Variants in RPA1 observed in about 807,000 individuals in gnomAD.
RPA1 encodes the protein replication protein A 70 kDa DNA-binding subunit.
RPA1 carries 49 observed loss-of-function variants against 83.0 expected under a neutral mutation model. That is an observed-to-expected ratio of 0.59 (90% CI 0.47 to 0.75). RPA1 has a LOEUF of 0.75. Among genes scored for constraint, RPA1 ranks in the 30% least tolerant of loss-of-function variants. The probability of loss-of-function intolerance (pLI) is 0.00; values close to 1 mark genes in which losing one functional copy is unlikely to be tolerated. For synonymous variants in RPA1, 279 were observed against 281.8 expected (o/e 0.99, Z 0.10); for missense variants, 693 against 776.1 (o/e 0.89, Z 1.27).
intron 5 of RPA1, chr17:1,858,589 G>A (rs1302235274): frequency 1.6e-5 from 10 of 615,730 alleles, no homozygotes; most frequent in African/African-American, 1.3e-4. Flanking sequence ...TCAGCCTCCT[G>A]AGTAGCTGGG....
At chr17:1,895,481 G>T (rs1027052862) in intron 16 of RPA1, among the ~76,000 whole-genome samples, 1 of 151,524 alleles carries the variant, frequency 6.6e-6, no homozygotes, top group Non-Finnish European at 1.5e-5. Flanking sequence ...TATGAGCCGG[G>T]CGTGGTGGTG....
intron 1 of RPA1, among the ~76,000 whole-genome samples, chr17:1,832,392 T>G (rs2151264330): frequency 6.6e-6 from 1 of 152,054 alleles, no homozygotes; most frequent in East Asian, 1.9e-4. Context: ...AATTATTTAT[T>G]TTTTTTCTTT....
chr17:1,846,182 A>G (rs1281944323), intron 4 of RPA1, among the ~76,000 whole-genome samples: 1 of 151,716 alleles, frequency 6.6e-6, no homozygotes, highest in Non-Finnish European at 1.5e-5. Flanking sequence ...TAGAATGACC[A>G]CTTGCCTGGC....
Position 1,830,088 on chromosome 17 carries a change from G to A in RPA1, c.-6G>A. On this transcript the variant is annotated 5_prime_UTR_variant, in exon 1 of 17. Coordinates refer to ENST00000254719, the MANE Select transcript of RPA1 (RefSeq NM_002945.5). ...GGGTCCGCGGGGAAGTCTTGGCGGT[G>A]GAGCCATGGTCGGCCAACTGAGCGA... is the stretch of plus-strand genomic sequence containing the variant. 8.0e-7 allele frequency: 1 copy of A among 1,250,284 alleles called. No individual in the cohort carries two copies. The highest frequency in any genetic ancestry group is 4.2e-5 in the Admixed American group (1 of 23,854). The allele number at this position is 1,250,284 out of a possible 1,614,324, so 77.4% of individuals were successfully genotyped here. A position where few individuals can be genotyped will look rare whatever the true frequency, so the allele number is the denominator to read the frequency against.
At chr17:1,868,537 G>A (rs981911912) in intron 5 of RPA1, among the ~76,000 whole-genome samples, 1 of 152,138 alleles carries the variant, frequency 6.6e-6, no homozygotes, top group Non-Finnish European at 1.5e-5. Context: ...TTGGGAAGCC[G>A]AGGCGGGTGG....
chr17:1,874,133 A>G (rs7501623), intron 6 of RPA1, among the ~76,000 whole-genome samples: 29,705 of 151,256 alleles, frequency 0.2, 3,234 homozygotes, highest in East Asian at 0.41. Flanking sequence ...TTATATACAA[A>G]TAGTACGTTA....
chr17:1,849,763 T>C (rs570388138), intron 4 of RPA1, among the ~76,000 whole-genome samples: 1 of 152,148 alleles, frequency 6.6e-6, no homozygotes, highest in African/African-American at 2.4e-5. Flanking sequence ...AACGCGCAGT[T>C]TACCAGGTGC....
intron 14 of RPA1, 31 bp from the exon 15 acceptor site, chr17:1,891,802 T>C (rs749860747): frequency 7.5e-7 from 1 of 1,335,454 alleles, no homozygotes; most frequent in South Asian, 1.2e-5. Flanking sequence ...ATTATTTCTT[T>C]GCTGAAATAA....
chr17:1,837,681 T>G (rs1404234598), intron 1 of RPA1, among the ~76,000 whole-genome samples: 1 of 152,230 alleles, frequency 6.6e-6, no homozygotes, highest in Non-Finnish European at 1.5e-5. Flanking sequence ...GCTAGTGACG[T>G]TGAGCATCTT....
At position 1,899,912 on chromosome 17, in the gene RPA1, A is replaced by T. The variant is rs1914586361; in HGVS notation, c.*2737A>T. ...TTGTCTCAAAGGGAAGATTCCCCCC[A>T]CTCCCCGGCCACCTTTTATGTGGTT... On this transcript the variant is annotated 3_prime_UTR_variant, in exon 17 of 17. Coordinates refer to ENST00000254719, the MANE Select transcript of RPA1 (RefSeq NM_002945.5). The T allele has an allele frequency of 6.6e-6, 1 of 150,446 alleles. No individual in the cohort carries two copies. Among genetic ancestry groups the T allele is most frequent in the Admixed American group, 6.6e-5 (1 of 15,078 alleles). The allele number at this position is 150,446 out of a possible 1,614,324, so 9.3% of individuals were successfully genotyped here. A position where few individuals can be genotyped will look rare whatever the true frequency, so the allele number is the denominator to read the frequency against.
chr17:1,889,053 C>T (rs1377967198), intron 14 of RPA1, among the ~76,000 whole-genome samples: 4 of 151,410 alleles, frequency 2.6e-5, no homozygotes, highest in East Asian at 1.9e-4. Context: ...CTTTCATGCA[C>T]GTCATACAGC....
At chr17:1,893,330 C>T (rs984189143) in intron 15 of RPA1, among the ~76,000 whole-genome samples, 5 of 152,202 alleles carry the variant, frequency 3.3e-5, no homozygotes, top group African/African-American at 9.6e-5. Flanking sequence ...CCCGAGGAAC[C>T]GTGAGATCCT....
rs189236837 is a variant in RPA1 at position 1,880,480 on chromosome 17, A to G, written c.1093-63A>G. ...CTATTGAATGTTTGCCTTGTTTTCT[A>G]TAAAAATCTTCTGTGTTCTTCCTGC... On this transcript the variant is annotated intron_variant, in intron 11 of 16. Coordinates refer to ENST00000254719, the MANE Select transcript of RPA1 (RefSeq NM_002945.5). 1.9e-4 allele frequency: 304 copies of G among 1,563,774 alleles called. No homozygotes were observed. The African/African-American group carries it at 3.7e-3, about 19-fold the overall frequency.
At chr17:1,852,669 A>G (rs1410045013) in intron 4 of RPA1, among the ~76,000 whole-genome samples, 2 of 152,232 alleles carry the variant, frequency 1.3e-5, no homozygotes, top group Non-Finnish European at 2.9e-5. Context: ...AATTAGAGTT[A>G]AAAAGCAAAA....
chr17:1,853,871 A>T (rs752132527), intron 5 of RPA1, among the ~76,000 whole-genome samples: 1 of 152,196 alleles, frequency 6.6e-6, no homozygotes. Context: ...CTGTGATAAC[A>T]CTCACTGCAC....
Position 1,884,103 on chromosome 17 carries a change from A to G in RPA1, c.1374+159A>G, listed in dbSNP as rs1457653062. 6.6e-6 allele frequency among the ~76,000 whole-genome samples: 1 copy of G among 152,174 alleles called. No individual in the cohort carries two copies. The highest frequency in any genetic ancestry group is 1.5e-5 in the Non-Finnish European group (1 of 68,034). ...GGGTTGAGAATCACTGGCAGAGGGA[A>G]GCAGCCAGGTGTGCTCATGGGAATA... On this transcript the variant is annotated intron_variant, in intron 13 of 16. Coordinates refer to ENST00000254719, the MANE Select transcript of RPA1 (RefSeq NM_002945.5). The surrounding 1 kb of genome is among the most constrained non-coding windows in gnomAD (Gnocchi z 4.1).
intron 5 of RPA1, among the ~76,000 whole-genome samples, chr17:1,866,424 C>T (rs1247217410): frequency 6.6e-6 from 1 of 152,034 alleles, no homozygotes; most frequent in African/African-American, 2.4e-5. Context: ...AAGCAGTTCT[C>T]CTGTCTCAGC....
intron 5 of RPA1, among the ~76,000 whole-genome samples, chr17:1,853,511 C>T (rs1016379800): frequency 3.9e-5 from 6 of 152,148 alleles, no homozygotes; most frequent in Admixed American, 6.5e-5. Context: ...GGCAAAACTC[C>T]GTCTCTACTA....
intron 15 of RPA1, among the ~76,000 whole-genome samples, chr17:1,893,644 A>G (rs1914280928): frequency 6.6e-6 from 1 of 151,780 alleles, no homozygotes; most frequent in South Asian, 2.1e-4. Flanking sequence ...CTTTATACAA[A>G]CTATATTCTC....
Sources: gnomAD v4.1 joint callset for allele counts (sites outside exome capture counted in the v4.1 genomes callset) on GRCh38, gnomAD v4.1.1 for gene constraint, Gnocchi (gnomAD v3.1) non-coding constraint, MANE v1.5 for transcripts, NCBI Gene and HGNC (gene_info 2026-07-23, HGNC 2026-07-21) for gene names.